SDK2: variants seen among roughly 807,000 people sequenced by gnomAD.
SDK2 encodes sidekick cell adhesion molecule 2.
Under a neutral mutation model 253.9 loss-of-function variants are expected in SDK2, and 105 were observed. That is an observed-to-expected ratio of 0.41 (90% CI 0.35 to 0.49). The LOEUF (loss-of-function observed/expected upper bound fraction) is 0.49. Among genes scored for constraint, SDK2 ranks in the 20% least tolerant of loss-of-function variants. The pLI, the probability that SDK2 is intolerant of heterozygous loss-of-function variation, is 0.06. For synonymous variants in SDK2, 1,249 were observed against 1,234.9 expected, an observed-to-expected ratio of 1.01 and a Z score of -0.24; for missense variants, 2,608 against 3,003.0, an observed-to-expected ratio of 0.87 and a Z score of 3.07.
At chr17:73,506,896 G>T (rs748198908) in intron 2 of SDK2, among the ~76,000 whole-genome samples, 8 of 152,226 alleles carry the variant, frequency 5.3e-5, no homozygotes, top group Non-Finnish European at 8.8e-5. Flanking sequence ...GGCCAGTCAG[G>T]CCCAAGAGCT....
At chr17:73,413,221 A>T (rs2063154078) in intron 18 of SDK2, among the ~76,000 whole-genome samples, 1 of 151,922 alleles carries the variant, frequency 6.6e-6, no homozygotes, top group Non-Finnish European at 1.5e-5. Flanking sequence ...CCTGCTGTGA[A>T]CTGTGGATGT....
intron 3 of SDK2, among the ~76,000 whole-genome samples, chr17:73,469,968 T>A (rs1338544070): frequency 6.8e-6 from 1 of 146,836 alleles, no homozygotes; most frequent in Admixed American, 6.9e-5. Flanking sequence ...GCATCCTGAA[T>A]GGCATTTGCG....
Position 73,612,584 on chromosome 17 carries a change from G to A in SDK2, c.64+31441C>T, listed in dbSNP as rs2045990605. Among the ~76,000 whole-genome samples the A allele has an allele frequency of 6.6e-6, 1 of 152,124 alleles. No homozygotes were observed. The highest frequency in any genetic ancestry group is 1.5e-5 in the Non-Finnish European group (1 of 68,010). On this transcript the variant is annotated intron_variant, in intron 1 of 44. Coordinates refer to ENST00000392650, the MANE Select transcript of SDK2 (RefSeq NM_001144952.2). The surrounding 1 kb of genome is among the most constrained non-coding windows in gnomAD (Gnocchi z 4.4). ...CTGACCCCTTCAGAACTTGGGGGCG[G>A]TGGCAAAATGAGAAGCCCAGAGAGC... is the stretch of plus-strand genomic sequence containing the variant.
At position 73,456,022 on chromosome 17, in the gene SDK2, G is replaced by A. The variant is rs1054809828; in HGVS notation, c.363C>T (p.His121=). Residue 121 remains histidine, a synonymous_variant, in exon 4 of 45, where the codon CAC becomes CAT. Transcript: ENST00000392650. The part of the protein sequence containing the change: ...YMGSFEEGEK[H]QSVSHGEAAV... ...CTGCTTCTCCGTGGGAGACGCTCTGGTGCTTCTCACCTTCCTCAAAGCTCC... is the reference window on the plus strand; with the variant it reads ...CTGCTTCTCCGTGGGAGACGCTCTGATGCTTCTCACCTTCCTCAAAGCTCC... The A allele has an allele frequency of 2.0e-6, 3 of 1,536,558 alleles. No homozygotes were observed. Among genetic ancestry groups the A allele is most frequent in the East Asian group, 2.5e-5 (1 of 40,260 alleles).
At chr17:73,454,705 T>G (rs972912542) in intron 4 of SDK2, among the ~76,000 whole-genome samples, 2 of 152,150 alleles carry the variant, frequency 1.3e-5, no homozygotes, top group African/African-American at 4.8e-5. Flanking sequence ...ATGGTGATAT[T>G]ATCATTATTT....
chr17:73,634,789 T>C (rs1486248333), intron 1 of SDK2, among the ~76,000 whole-genome samples: 1 of 152,174 alleles, frequency 6.6e-6, no homozygotes, highest in Non-Finnish European at 1.5e-5. Flanking sequence ...ACTTATTCAG[T>C]GTTTATGATA....
Position 73,380,908 on chromosome 17 carries a change from T to C in SDK2, c.4748A>G (p.Gln1583Arg). Residue 1583 changes from glutamine to arginine, a missense_variant, in exon 34 of 45, where the codon CAG becomes CGG. Gln to Arg is a conservative substitution (Grantham distance 43, BLOSUM62 1). Coordinates refer to ENST00000392650, the MANE Select transcript of SDK2 (RefSeq NM_001144952.2). ...AGGAGACTTACTGTCCAGCTCGTACTGCGTGAGGCTGGGCCGGCTCAGGTT... is the reference window on the plus strand; with the variant it reads ...AGGAGACTTACTGTCCAGCTCGTACCGCGTGAGGCTGGGCCGGCTCAGGTT... ...MRNLSRPSLT[Q>R]YELDNLNKHR... 3 of 1,429,350 alleles carry C rather than the reference T, an allele frequency of 2.1e-6. No individual in the cohort carries two copies. Among genetic ancestry groups the C allele is most frequent in the South Asian group, 2.4e-5 (2 of 83,270 alleles). 88.5% of individuals were successfully genotyped at this position (1,429,350 alleles called of 1,614,324 possible).
intron 2 of SDK2, among the ~76,000 whole-genome samples, chr17:73,489,799 C>T (rs2063793194): frequency 6.6e-6 from 1 of 152,178 alleles, no homozygotes; most frequent in Non-Finnish European, 1.5e-5. Context: ...TGTATCTATA[C>T]TTATGCCCAC....
chr17:73,483,705 A>ATTTT (rs1266533021), intron 2 of SDK2, among the ~76,000 whole-genome samples: 1 of 56,682 alleles, frequency 1.8e-5, no homozygotes, highest in African/African-American at 8.4e-5. Context: ...ATATATATAT[A>ATTTT]TATTTTTTTT....
rs183471607 is a variant in SDK2, at chr17:73,494,719, C to T, written c.224+12719G>A. On this transcript the variant is annotated intron_variant, in intron 2 of 44. Coordinates refer to ENST00000392650, the MANE Select transcript of SDK2 (RefSeq NM_001144952.2). ...GATGCTCCCTGCTGCCTCTCTCCCT[C>T]CCATCTGCCACCACCCTGCCTTTCC... is the stretch of plus-strand genomic sequence containing the variant. Among the ~76,000 whole-genome samples the T allele has an allele frequency of 4.3e-3, 654 of 152,338 alleles. 5 individuals carry two copies. Among genetic ancestry groups the T allele is most frequent in the African/African-American group, 0.015 (625 of 41,580 alleles).
At chr17:73,450,070 C>T (rs549675924) in intron 4 of SDK2, among the ~76,000 whole-genome samples, 1 of 152,316 alleles carries the variant, frequency 6.6e-6, no homozygotes, top group South Asian at 2.1e-4. Context: ...GGATAGTGGT[C>T]ATTTTCCCAC....
intron 1 of SDK2, among the ~76,000 whole-genome samples, chr17:73,569,413 G>T (rs1331708102): frequency 6.6e-6 from 1 of 152,012 alleles, no homozygotes. Context: ...GGCTGGGCTG[G>T]TCTCAAACTC....
At position 73,443,356 on chromosome 17, in the gene SDK2, A is replaced by AG. The variant is rs1316863802; in HGVS notation, c.614-2434dup. On this transcript the variant is annotated intron_variant, in intron 5 of 44. Transcript: ENST00000392650. This position sits in a 1 kb window ranked among gnomAD's most constrained non-coding sequence, Gnocchi z 4.6. ...AAAGCCTCATGTAGGTGCCATAACG[A>AG]GCGATCGGATTGAAAGCTGCTGATA... Among the ~76,000 whole-genome samples the AG allele has an allele frequency of 6.6e-6, 1 of 152,272 alleles. No individual in the cohort carries two copies. Among genetic ancestry groups the AG allele is most frequent in the African/African-American group, 2.4e-5 (1 of 41,480 alleles).
In SDK2 at chr17:73,534,905, A is replaced by G. The variant is rs2044748054; in HGVS notation, c.65-27308T>C. 6.6e-6 allele frequency among the ~76,000 whole-genome samples: 1 copy of G among 152,152 alleles called. No individual in the cohort carries two copies. The highest frequency in any genetic ancestry group is 1.5e-5 in the Non-Finnish European group (1 of 68,002). ...CTGGATACTCTGCGATCGGCCGATC[A>G]GCCCGCTACTGGGTCTAAGGAACCC... On this transcript the variant is annotated intron_variant, in intron 1 of 44. Transcript: ENST00000392650. The surrounding 1 kb of genome is among the most constrained non-coding windows in gnomAD (Gnocchi z 4.9).
intron 1 of SDK2, among the ~76,000 whole-genome samples, chr17:73,588,207 C>CCCCCCCCCCCCCCCCCCCCCA (rs370190252): frequency 7.0e-6 from 1 of 142,634 alleles, no homozygotes; most frequent in African/African-American, 2.7e-5. Flanking sequence ...ACCCCCCCCC[C>CCCCCCCCCCCCCCCCCCCCCA]TCCCCCGCCA....
intron 33 of SDK2, 80 bp from the exon 34 acceptor site, chr17:73,381,030 C>A: frequency 2.4e-6 from 2 of 846,594 alleles, no homozygotes; most frequent in Non-Finnish European, 3.9e-6. Context: ...ATCCCCACCC[C>A]ACAAAGAAAC....
At chr17:73,376,820 G>T (rs550270103) in intron 36 of SDK2, among the ~76,000 whole-genome samples, 1 of 152,204 alleles carries the variant, frequency 6.6e-6, no homozygotes, top group Non-Finnish European at 1.5e-5. Context: ...GCCTTGAGGG[G>T]TGTCATCCAT....
chr17:73,493,482 T>G (rs1567804687), intron 2 of SDK2, among the ~76,000 whole-genome samples: 1 of 152,124 alleles, frequency 6.6e-6, no homozygotes, highest in Non-Finnish European at 1.5e-5. Context: ...CAGGAAGAAG[T>G]GAGGGTGTGG....
chr17:73,544,975 G>C (rs950736956), intron 1 of SDK2, among the ~76,000 whole-genome samples: 1 of 144,422 alleles, frequency 6.9e-6, no homozygotes, highest in Non-Finnish European at 1.5e-5. Flanking sequence ...ACACCCCCTT[G>C]TCAAGGCTCT....
Sources: allele counts gnomAD v4.1 joint callset (sites outside exome capture counted in the v4.1 genomes callset), GRCh38; gene constraint gnomAD v4.1.1; non-coding constraint Gnocchi (gnomAD v3.1); transcripts MANE v1.5; gene names NCBI Gene and HGNC (gene_info 2026-07-23, HGNC 2026-07-21).